NAALADL2: variants seen among roughly 807,000 people sequenced by gnomAD.
The protein encoded by NAALADL2 is inactive N-acetylated-alpha-linked acidic dipeptidase-like protein 2.
NAALADL2 carries 76 observed loss-of-function variants against 87.2 expected under a neutral mutation model. The ratio of observed to expected loss-of-function variants is 0.87; its 90% CI spans 0.72 to 1.05. The LOEUF is 1.05. Among genes scored for constraint, NAALADL2 ranks in the 50% least tolerant of loss-of-function variants. NAALADL2 has a pLI of 0.00. For missense variants in NAALADL2, 1,089 were observed against 945.8 expected, an observed-to-expected ratio of 1.15 and a Z score of -1.99; for synonymous variants, 354 against 331.0, an observed-to-expected ratio of 1.07 and a Z score of -0.75.
At chr3:174,555,464 T>A (rs952307149) in intron 2 of NAALADL2, among the ~76,000 whole-genome samples, 1 of 152,034 alleles carries the variant, frequency 6.6e-6, no homozygotes, top group African/African-American at 2.4e-5. Context: ...CACACCCCAC[T>A]AATTTTTGTA....
chr3:175,800,533 T>C (rs1229848995), intron 13 of NAALADL2, among the ~76,000 whole-genome samples: 3 of 152,126 alleles, frequency 2.0e-5, no homozygotes, highest in Admixed American at 2.0e-4. Context: ...AAATAATCTC[T>C]CTATTCAAGA....
At chr3:174,452,340 G>A (rs535757735) in intron 1 of NAALADL2, among the ~76,000 whole-genome samples, 166 of 152,132 alleles carry the variant, frequency 1.1e-3, no homozygotes, top group African/African-American at 3.4e-3. Flanking sequence ...TGCTGCCTCC[G>A]TCACTGCTGT....
intron 5 of NAALADL2, among the ~76,000 whole-genome samples, chr3:175,327,377 G>A (rs1026246664): frequency 6.6e-6 from 1 of 151,900 alleles, no homozygotes; most frequent in African/African-American, 2.4e-5. Flanking sequence ...TAATAGTCTC[G>A]ATCTCTTGAC....
chr3:175,454,928 G>C (rs79312052), intron 6 of NAALADL2, among the ~76,000 whole-genome samples: 25 of 152,094 alleles, frequency 1.6e-4, no homozygotes, highest in Non-Finnish European at 3.4e-4. Flanking sequence ...CAATTTAAGA[G>C]AATTTAATCA....
In NAALADL2 at chr3:175,536,513, A is replaced by G. The variant is rs574450887; in HGVS notation, c.1654-39528A>G. 7.9e-5 allele frequency among the ~76,000 whole-genome samples: 12 copies of G among 152,302 alleles called. No individual in the cohort carries two copies. In the East Asian group the frequency reaches 2.1e-3, roughly 27 times the overall value. ...CTGTACATGATAGTAACAATTTATC[A>G]TGTATTTACTAAATGGAAATACATG... On this transcript the variant is annotated intron_variant, in intron 9 of 13. Coordinates refer to ENST00000454872, the MANE Select transcript of NAALADL2 (RefSeq NM_207015.3).
chr3:174,515,701 AC>A (rs1403226985), intron 1 of NAALADL2, among the ~76,000 whole-genome samples: 2 of 151,342 alleles, frequency 1.3e-5, no homozygotes, highest in African/African-American at 4.8e-5. Context: ...AAAAAAAAAA[AC>A]CCCTTAAAGG....
chr3:175,787,270 C>A (rs1046379391), intron 13 of NAALADL2, among the ~76,000 whole-genome samples: 1 of 152,112 alleles, frequency 6.6e-6, no homozygotes, highest in African/African-American at 2.4e-5. Flanking sequence ...GCTTTGTTTA[C>A]CTAATCAAGC....
At position 175,324,284 on chromosome 3, in the gene NAALADL2, A is replaced by G; in HGVS notation, c.1049A>G (p.Asn350Ser). Residue 350 changes from asparagine (N) to serine (S), a missense_variant, in exon 5 of 14, where the codon AAT (asparagine) becomes AGT (serine). Transcript: ENST00000454872. ...PSHDTFMVSL[N>S]PGGDPSTPGY... ...CATGATACCTTCATGGTGTCACTGA[A>G]TCCAGGAGGAGACCCTTCTACGCCT... 1.2e-6 allele frequency: 2 copies of G among 1,613,622 alleles called. No individual in the cohort carries two copies. The highest frequency in any genetic ancestry group is 1.7e-4 in the Middle Eastern group (1 of 6,058).
chr3:174,518,144 A>G (rs1720046558), intron 1 of NAALADL2, among the ~76,000 whole-genome samples: 1 of 152,106 alleles, frequency 6.6e-6, no homozygotes, highest in South Asian at 2.1e-4. Flanking sequence ...GGCCCAGGTT[A>G]CAACATCTTC....
chr3:174,919,947 G>A (rs1483530015), intron 1 of NAALADL2, among the ~76,000 whole-genome samples: 1 of 152,106 alleles, frequency 6.6e-6, no homozygotes, highest in Non-Finnish European at 1.5e-5. Context: ...CAGATGCATC[G>A]TCAATGAGCA....
intron 5 of NAALADL2, among the ~76,000 whole-genome samples, chr3:175,398,226 A>C (rs1224409554): frequency 2.6e-5 from 4 of 152,104 alleles, no homozygotes; most frequent in South Asian, 2.1e-4. Context: ...CAAGAGAAAG[A>C]CACTAATTAA....
At chr3:175,628,078 T>G (rs193043584) in intron 11 of NAALADL2, among the ~76,000 whole-genome samples, 1 of 151,884 alleles carries the variant, frequency 6.6e-6, no homozygotes, top group East Asian at 1.9e-4. Context: ...CAACTTGTAA[T>G]GGTTCACCTT....
At chr3:175,152,074 G>T (rs943449539) in intron 2 of NAALADL2, among the ~76,000 whole-genome samples, 1 of 152,092 alleles carries the variant, frequency 6.6e-6, no homozygotes, top group Non-Finnish European at 1.5e-5. Context: ...TGCCTAAGTA[G>T]TCTTCTTGTA....
intron 5 of NAALADL2, among the ~76,000 whole-genome samples, chr3:175,362,248 C>T (rs1581582379): frequency 6.7e-6 from 1 of 148,172 alleles, no homozygotes; most frequent in Non-Finnish European, 1.5e-5. Flanking sequence ...GTACCAGTAC[C>T]ATGCTGTTTT....
chr3:175,337,606 A>C (rs919313720), intron 5 of NAALADL2, among the ~76,000 whole-genome samples: 2 of 152,166 alleles, frequency 1.3e-5, no homozygotes, highest in South Asian at 4.1e-4. Context: ...CAATACCTTC[A>C]TCTTGAACTT....
chr3:175,606,294 A>T (rs1168683691), intron 10 of NAALADL2, among the ~76,000 whole-genome samples: 1 of 152,124 alleles, frequency 6.6e-6, no homozygotes, highest in African/African-American at 2.4e-5. Flanking sequence ...AAGCAAAGCC[A>T]CTGGAAGAGC....
intron 9 of NAALADL2, among the ~76,000 whole-genome samples, chr3:175,507,783 G>A (rs578127614): frequency 1.6e-4 from 25 of 152,198 alleles, no homozygotes; most frequent in African/African-American, 5.8e-4. Flanking sequence ...TGCCATCTCT[G>A]TATTCATCTC....
chr3:175,063,709 T>C (rs1414990903), intron 1 of NAALADL2, among the ~76,000 whole-genome samples: 1 of 151,804 alleles, frequency 6.6e-6, no homozygotes, highest in East Asian at 2.0e-4. Flanking sequence ...TCTCAAACTC[T>C]TAGGCTAAAC....
At chr3:174,725,219 ATAAGTCT>A (rs2108963897) in intron 2 of NAALADL2, among the ~76,000 whole-genome samples, 1 of 152,346 alleles carries the variant, frequency 6.6e-6, no homozygotes, top group African/African-American at 2.4e-5. Context: ...GAGTAAAAAG[ATAAGTCT>A]TAGGAGAATC....
Sources: allele counts gnomAD v4.1 joint callset (sites outside exome capture counted in the v4.1 genomes callset), GRCh38; gene constraint gnomAD v4.1.1; transcripts MANE v1.5; gene names NCBI Gene and HGNC (gene_info 2026-07-23, HGNC 2026-07-21).